PIK3CB: variants seen among roughly 807,000 people sequenced by gnomAD.
PIK3CB encodes phosphatidylinositol 4,5-bisphosphate 3-kinase catalytic subunit beta isoform.
Under a neutral mutation model 136.8 loss-of-function variants are expected in PIK3CB, and 39 were observed. That is an observed-to-expected ratio of 0.29 (90% confidence interval 0.22 to 0.37). PIK3CB has a LOEUF of 0.37. Ranked by LOEUF, PIK3CB falls within the 10% of genes least tolerant of loss-of-function variation. The pLI is 1.00. For synonymous variants in PIK3CB, 428 were observed against 436.6 expected, an observed-to-expected ratio of 0.98 and a Z score of 0.25; for missense variants, 868 against 1,275.4, an observed-to-expected ratio of 0.68 and a Z score of 4.87.
intron 13 of PIK3CB, among the ~76,000 whole-genome samples, chr3:138,697,107 G>C (rs2044153323): frequency 1.3e-5 from 2 of 152,102 alleles, no homozygotes; most frequent in African/African-American, 4.8e-5. Context: ...TAAGAGTACA[G>C]CAAGAAATTC....
At position 138,760,404 on chromosome 3, in the gene PIK3CB, A is replaced by G. The variant is rs987325885; in HGVS notation, c.-16-1045T>C. Among the ~76,000 whole-genome samples, 5 of 152,134 alleles carry G rather than the reference A, an allele frequency of 3.3e-5. No individual in the cohort carries two copies. The South Asian group carries it at 1.0e-3, about 32-fold the overall frequency. On this transcript the variant is annotated intron_variant, in intron 2 of 23. Coordinates refer to ENST00000674063, the MANE Select transcript of PIK3CB (RefSeq NM_006219.3). ...CTTCTGCCTTCCTGCTGCTAGACCTATGTTCACATGAGGAATAAACTCCTC... is the reference window on the plus strand; with the variant it reads ...CTTCTGCCTTCCTGCTGCTAGACCTGTGTTCACATGAGGAATAAACTCCTC...
Position 138,759,207 on chromosome 3 carries a change from A to G in PIK3CB, c.137T>C (p.Val46Ala). The change falls in exon 3 of 24, where the codon GTA becomes GCA. Residue 46 changes from valine (V) to alanine (A), a missense_variant. Transcript: ENST00000674063. ...LPTGIYIQLE[V>A]PREATISYIK... Reference sequence around the variant, plus strand: ...ATAAGAAATGGTAGCTTCCCGAGGTACCTCCAACTGGATATAAATCCCAGT... The same window carrying G: ...ATAAGAAATGGTAGCTTCCCGAGGTGCCTCCAACTGGATATAAATCCCAGT... 4 of 1,610,986 alleles carry G rather than the reference A, an allele frequency of 2.5e-6. No homozygotes were observed. The highest frequency in any genetic ancestry group is 3.4e-6 in the Non-Finnish European group (4 of 1,177,672).
intron 11 of PIK3CB, among the ~76,000 whole-genome samples, chr3:138,705,375 T>C (rs439720): frequency 0.54 from 81,689 of 151,224 alleles, 23,231 homozygotes; most frequent in East Asian, 0.98. Context: ...TAAATTTCTA[T>C]CAAAGGAATA....
At chr3:138,815,527 A>C (rs937308590) in intron 1 of PIK3CB, among the ~76,000 whole-genome samples, 3 of 152,056 alleles carry the variant, frequency 2.0e-5, no homozygotes, top group Non-Finnish European at 4.4e-5. Context: ...CATTGACACA[A>C]TACAAAGCAG....
chr3:138,758,002 G>T (rs1271150314), intron 3 of PIK3CB, among the ~76,000 whole-genome samples: 3 of 152,134 alleles, frequency 2.0e-5, no homozygotes, highest in African/African-American at 7.2e-5. Context: ...CCAAAAGCTG[G>T]AAGCAACCCA....
chr3:138,775,504 C>G (rs1392718659), intron 2 of PIK3CB, among the ~76,000 whole-genome samples: 1 of 152,030 alleles, frequency 6.6e-6, no homozygotes, highest in African/African-American at 2.4e-5. Flanking sequence ...GAGCCTCAAC[C>G]AGAAGGGATG....
intron 1 of PIK3CB, among the ~76,000 whole-genome samples, chr3:138,820,976 G>A (rs1380774279): frequency 6.6e-6 from 1 of 152,054 alleles, no homozygotes; most frequent in Non-Finnish European, 1.5e-5. Flanking sequence ...TATACCAATA[G>A]GATAATGCCT....
chr3:138,805,918 T>C (rs1416657460), intron 1 of PIK3CB, among the ~76,000 whole-genome samples: 2 of 151,296 alleles, frequency 1.3e-5, no homozygotes, highest in Non-Finnish European at 2.9e-5. Flanking sequence ...TTAGTAGAGA[T>C]GGGGTTTCAC....
intron 21 of PIK3CB, among the ~76,000 whole-genome samples, chr3:138,660,036 T>C (rs867176720): frequency 1.3e-5 from 2 of 151,706 alleles, no homozygotes; most frequent in Non-Finnish European, 2.9e-5. Flanking sequence ...CTGGACTGAG[T>C]CTCTATTGTT....
chr3:138,703,167 C>G (rs1260108394), intron 12 of PIK3CB, among the ~76,000 whole-genome samples: 1 of 152,092 alleles, frequency 6.6e-6, no homozygotes, highest in African/African-American at 2.4e-5. Context: ...TGCTCTCTTT[C>G]CTAAGGTCAA....
At chr3:138,750,196 C>T (rs1432723531) in intron 4 of PIK3CB, among the ~76,000 whole-genome samples, 1 of 152,080 alleles carries the variant, frequency 6.6e-6, no homozygotes. Context: ...TGTTTTGACA[C>T]ATGTATACAT....
At chr3:138,804,436 C>A (rs1020358230) in intron 1 of PIK3CB, among the ~76,000 whole-genome samples, 49 of 152,008 alleles carry the variant, frequency 3.2e-4, no homozygotes, top group African/African-American at 1.2e-3. Flanking sequence ...ATCGCTTGTG[C>A]CCAAGAAGGT....
intron 4 of PIK3CB, among the ~76,000 whole-genome samples, chr3:138,750,989 G>C (rs1328106880): frequency 6.6e-6 from 1 of 152,068 alleles, no homozygotes; most frequent in Non-Finnish European, 1.5e-5. Context: ...TAATGTTTTG[G>C]TAATGTTTTT....
intron 9 of PIK3CB, among the ~76,000 whole-genome samples, chr3:138,713,048 A>T (rs926823061): frequency 1.3e-5 from 2 of 152,192 alleles, no homozygotes; most frequent in African/African-American, 4.8e-5. Context: ...AAATAGATTA[A>T]TTTCACCATA....
rs2043148938 is a variant in PIK3CB, at chr3:138,653,676, C to T, written c.*1713G>A. 1 of 183,814 alleles carries T rather than the reference C, an allele frequency of 5.4e-6. No individual in the cohort carries two copies. Among genetic ancestry groups the T allele is most frequent in the Non-Finnish European group, 1.2e-5 (1 of 86,530 alleles). The allele number at this position is 183,814 out of a possible 1,614,324, so 11.4% of individuals were successfully genotyped here. On this transcript the variant is annotated 3_prime_UTR_variant, in exon 24 of 24. Transcript: ENST00000674063. The stretch of plus-strand genomic sequence containing the variant: ...AGGAATTCAGGGGCCAACTCCCATC[C>T]TCAGCTGAGTTATTTCCAAGGAACT...
chr3:138,750,940 T>G (rs1291883481), intron 4 of PIK3CB, among the ~76,000 whole-genome samples: 1 of 152,164 alleles, frequency 6.6e-6, no homozygotes, highest in Non-Finnish European at 1.5e-5. Context: ...CTGGTAAAAT[T>G]TCAAGTATAA....
At chr3:138,771,231 T>TC in intron 2 of PIK3CB, among the ~76,000 whole-genome samples, 1 of 150,888 alleles carries the variant, frequency 6.6e-6, no homozygotes, top group South Asian at 2.1e-4. Context: ...GCCTTTTTTT[T>TC]TTTTTTTTTG....
intron 19 of PIK3CB, among the ~76,000 whole-genome samples, chr3:138,667,601 G>A (rs865910481): frequency 1.9e-4 from 29 of 149,980 alleles, no homozygotes; most frequent in Non-Finnish European, 7.4e-5. Flanking sequence ...TCGCTCTGTC[G>A]CCCAGGCTGG....
At chr3:138,655,831 G>C (rs1467392544) in intron 23 of PIK3CB, among the ~76,000 whole-genome samples, 1 of 152,164 alleles carries the variant, frequency 6.6e-6, no homozygotes, top group Non-Finnish European at 1.5e-5. Flanking sequence ...GCAAGAAAAA[G>C]GCAGACTGTG....
Sources: allele counts gnomAD v4.1 joint callset (sites outside exome capture counted in the v4.1 genomes callset), GRCh38; gene constraint gnomAD v4.1.1; transcripts MANE v1.5; gene names NCBI Gene and HGNC (gene_info 2026-07-23, HGNC 2026-07-21).